The following TMEM94 variants were observed in gnomAD, a reference collection of about 807,000 sequenced individuals.
The protein encoded by TMEM94 is transmembrane protein 94.
A neutral mutation model predicts 158.6 loss-of-function variants in TMEM94; 81 were observed. That is an observed-to-expected ratio of 0.51 (90% confidence interval 0.43 to 0.61). The LOEUF is 0.61. TMEM94 is among the 20% of genes least tolerant of loss of function. The pLI is 0.00. For missense variants in TMEM94, 1,435 were observed against 1,762.0 expected (o/e 0.81, Z 3.32); for synonymous variants, 751 against 730.7 (o/e 1.03, Z -0.45).
At chr17:75,482,011 A>G (rs1029132142) in intron 2 of TMEM94, among the ~76,000 whole-genome samples, 4 of 152,078 alleles carry the variant, frequency 2.6e-5, no homozygotes, top group African/African-American at 9.7e-5. Flanking sequence ...GGAGTTTAAG[A>G]CCAGCCTGGG....
intron 2 of TMEM94, among the ~76,000 whole-genome samples, chr17:75,478,001 A>ATTT (rs1567922620): frequency 2.1e-5 from 2 of 95,868 alleles, no homozygotes; most frequent in African/African-American, 5.8e-5. Flanking sequence ...GCGAGACTCC[A>ATTT]TCTTTTTTTT....
At chr17:75,462,014 T>TG (rs2050095620) in intron 1 of TMEM94, among the ~76,000 whole-genome samples, 1 of 124,370 alleles carries the variant, frequency 8.0e-6, no homozygotes, top group Non-Finnish European at 1.8e-5. Context: ...TTGTTTTGTT[T>TG]TTTTTTTTTT....
At chr17:75,463,176 G>GTATATATATATATATATA (rs1377936337) in intron 1 of TMEM94, among the ~76,000 whole-genome samples, 4 of 9,044 alleles carry the variant, frequency 4.4e-4, no homozygotes, top group African/African-American at 2.1e-3. Context: ...GTGTGTGTGT[G>GTATATATATATATATATA]TGTATATATA....
rs1245787471 is a variant in TMEM94 at position 75,491,840 on chromosome 17, A to G, written c.1536A>G (p.Pro512=). The G allele has an allele frequency of 2.5e-6, 4 of 1,613,836 alleles. No individual in the cohort carries two copies. In the African/African-American group the frequency reaches 5.3e-5, roughly 22 times the overall value. ...HHKAHGRSKH[P]SGSNVSFSRD... ...AAGCGCATGGCCGCAGCAAACACCC[A>G]TCTGGCTCCAACGTGAGCTTCAGCA... The change falls in exon 14 of 32, where the codon CCA becomes CCG. Residue 512 remains proline (P), a synonymous_variant. Coordinates refer to ENST00000314256, the MANE Select transcript of TMEM94 (RefSeq NM_014738.6). This position sits in a 1 kb window ranked among gnomAD's most constrained non-coding sequence, Gnocchi z 5.1.
At position 75,486,191 on chromosome 17, in the gene TMEM94, C is replaced by T. The variant is rs943045807; in HGVS notation, c.273-99C>T. The T allele has an allele frequency of 3.4e-5, 53 of 1,548,810 alleles. 2 individuals are homozygous for T. In the South Asian group the frequency reaches 5.9e-4, roughly 17 times the overall value. Reference sequence around the variant, plus strand: ...GGGCACCAGAACGGGACAGTCTTTCCACAAGGGACTGGGGTGGGAAGGGGA... The same window carrying T: ...GGGCACCAGAACGGGACAGTCTTTCTACAAGGGACTGGGGTGGGAAGGGGA... On this transcript the variant is annotated intron_variant, in intron 4 of 31. Transcript: ENST00000314256.
At chr17:75,465,472 C>T (rs2050267975) in intron 1 of TMEM94, among the ~76,000 whole-genome samples, 2 of 150,978 alleles carry the variant, frequency 1.3e-5, no homozygotes, top group African/African-American at 4.9e-5. Flanking sequence ...ACTTTGTTGC[C>T]CAGGCTGGAG....
chr17:75,492,919 C>G lies in TMEM94; in HGVS notation c.1913-10C>G. The G allele has an allele frequency of 6.2e-7, 1 of 1,607,908 alleles. No individual in the cohort carries two copies. Among genetic ancestry groups the G allele is most frequent in the Non-Finnish European group, 8.5e-7 (1 of 1,176,172 alleles). Reference sequence around the variant, plus strand: ...GGCATGGCCCTAAGTTCCTGTTCCCCGCCCTGCAGGCTTCACTCCTGGGGC... The same window carrying G: ...GGCATGGCCCTAAGTTCCTGTTCCCGGCCCTGCAGGCTTCACTCCTGGGGC... On this transcript the variant is annotated splice_polypyrimidine_tract_variant and intron_variant, in intron 15 of 31. Transcript: ENST00000314256. The surrounding 1 kb of genome is among the most constrained non-coding windows in gnomAD (Gnocchi z 4.4).
In TMEM94 at chr17:75,489,603, C is replaced by A; in HGVS notation, c.895C>A (p.Arg299Ser). Residue 299 changes from arginine (R) to serine (S), a missense_variant, in exon 9 of 32, where the codon CGC (arginine) becomes AGC (serine). Around this residue, in one of 3 missense-constraint regions of TMEM94, gnomAD observed 1,051 missense variants for 1,254.4 expected, o/e 0.84. Coordinates refer to ENST00000314256, the MANE Select transcript of TMEM94 (RefSeq NM_014738.6). This position sits in a 1 kb window ranked among gnomAD's most constrained non-coding sequence, Gnocchi z 5.0. ...LAGFLITNAL[R>S]FIFSAPGVTS... ...CGGCTTCCTCATCACCAATGCCCTG[C>A]GCTTCATCTTCAGTGCCCCGGGGGT... The A allele has an allele frequency of 6.2e-7, 1 of 1,614,066 alleles. No individual in the cohort carries two copies. The highest frequency in any genetic ancestry group is 8.5e-7 in the Non-Finnish European group (1 of 1,180,004).
At position 75,485,380 on chromosome 17, in the gene TMEM94, A is replaced by G. The variant is rs2051503678; in HGVS notation, c.25-48A>G. The G allele has an allele frequency of 1.3e-6, 2 of 1,590,874 alleles. No individual in the cohort carries two copies. Among genetic ancestry groups the G allele is most frequent in the Non-Finnish European group, 1.7e-6 (2 of 1,163,744 alleles). ...GAGGGTTGGGGCCCGCGTGCCTTGCATAGCCTTGGCCTGGCAGTGACGCCC... is the reference window on the plus strand; with the variant it reads ...GAGGGTTGGGGCCCGCGTGCCTTGCGTAGCCTTGGCCTGGCAGTGACGCCC... On this transcript the variant is annotated intron_variant, in intron 2 of 31. Transcript: ENST00000314256. This position sits in a 1 kb window ranked among gnomAD's most constrained non-coding sequence, Gnocchi z 5.5.
chr17:75,491,027 C>A lies in TMEM94; in HGVS notation c.1129-22C>A. On this transcript the variant is annotated intron_variant, in intron 11 of 31. Coordinates refer to ENST00000314256, the MANE Select transcript of TMEM94 (RefSeq NM_014738.6). This position sits in a 1 kb window ranked among gnomAD's most constrained non-coding sequence, Gnocchi z 5.1. ...TGAGGCTGAGCCCTAAATGGCCTTGCAGACTTCCTCTCTCCCACCAGGAAA... is the reference window on the plus strand; with the variant it reads ...TGAGGCTGAGCCCTAAATGGCCTTGAAGACTTCCTCTCTCCCACCAGGAAA... 1 of 1,575,202 alleles carries A rather than the reference C, an allele frequency of 6.3e-7. No individual in the cohort carries two copies. Among genetic ancestry groups the A allele is most frequent in the Non-Finnish European group, 8.7e-7 (1 of 1,153,500 alleles).
chr17:75,471,395 C>A (rs531211896), intron 1 of TMEM94, among the ~76,000 whole-genome samples: 2 of 152,056 alleles, frequency 1.3e-5, no homozygotes, highest in African/African-American at 4.8e-5. Flanking sequence ...CTCTGCTGCT[C>A]GATGAGGCTG....
At chr17:75,480,179 A>G (rs1244836777) in intron 2 of TMEM94, among the ~76,000 whole-genome samples, 1 of 152,146 alleles carries the variant, frequency 6.6e-6, no homozygotes, top group Non-Finnish European at 1.5e-5. Context: ...GAAGAGGTGA[A>G]TGCCTGGGCA....
chr17:75,495,289 C>T lies in TMEM94; in HGVS notation c.2734C>T (p.Arg912Ter), dbSNP rs557746506. Residue 912 changes from arginine to a stop codon, truncating the protein, a stop_gained, in exon 21 of 32, where the codon CGA becomes TGA. Transcript: ENST00000314256. LOFTEE classifies it high-confidence loss of function. This position sits in a 1 kb window ranked among gnomAD's most constrained non-coding sequence, Gnocchi z 5.6. ...SLHDDLNQVS[R>*]DDAEGLLLME... Reference sequence around the variant, plus strand: ...AGAGGCTTTTGTCCCCACAGTGTCCCGAGATGATGCAGAAGGGCTCCTCCT... The same window carrying T: ...AGAGGCTTTTGTCCCCACAGTGTCCTGAGATGATGCAGAAGGGCTCCTCCT... 8.1e-6 allele frequency: 13 copies of T among 1,607,234 alleles called. No homozygotes were observed. The highest frequency in any genetic ancestry group is 4.5e-5 in the East Asian group (2 of 44,772).
chr17:75,481,397 G>T (rs150120690), intron 2 of TMEM94, among the ~76,000 whole-genome samples: 1 of 152,384 alleles, frequency 6.6e-6, no homozygotes, highest in African/African-American at 2.4e-5. Flanking sequence ...GCGGGATTAG[G>T]TGAGATTTAG....
intron 1 of TMEM94, among the ~76,000 whole-genome samples, chr17:75,463,999 T>A (rs2050199773): frequency 6.6e-6 from 1 of 152,210 alleles, no homozygotes; most frequent in African/African-American, 2.4e-5. Flanking sequence ...GTGTTGGGCA[T>A]GGCTGGCTTA....
At chr17:75,462,011 G>GTTTTTTTTTTTTTTTTTT (rs1156728166) in intron 1 of TMEM94, among the ~76,000 whole-genome samples, 2 of 92,884 alleles carry the variant, frequency 2.2e-5, no homozygotes, top group African/African-American at 1.0e-4. Context: ...GTTTTGTTTT[G>GTTTTTTTTTTTTTTTTTT]TTTTTTTTTT....
chr17:75,460,431 A>G (rs759868005), intron 1 of TMEM94, among the ~76,000 whole-genome samples: 5 of 152,132 alleles, frequency 3.3e-5, no homozygotes, highest in Non-Finnish European at 7.3e-5. Context: ...GTAAACCTTC[A>G]TTATGTTGAC....
rs376405505 is a variant in TMEM94, at chr17:75,492,467, C to A, written c.1597-7C>A. 35 of 1,565,820 alleles carry A rather than the reference C, an allele frequency of 2.2e-5. No individual in the cohort carries two copies. The highest frequency in any genetic ancestry group is 2.8e-5 in the Non-Finnish European group (32 of 1,152,280). ...CGGGCTGAGGCTCTCCTCCACATTT[C>A]CCCCAGACCCAGCCTGGGATGGAGA... On this transcript the variant is annotated splice_region_variant and splice_polypyrimidine_tract_variant and intron_variant, in intron 14 of 31. Transcript: ENST00000314256. This position sits in a 1 kb window ranked among gnomAD's most constrained non-coding sequence, Gnocchi z 4.4.
chr17:75,496,521 T>G (rs767144378), intron 24 of TMEM94, 50 bp downstream of exon 24: 7 of 1,582,666 alleles, frequency 4.4e-6, no homozygotes, highest in Non-Finnish European at 6.0e-6. Flanking sequence ...AGGACCCGCC[T>G]GGGGTGGGAG....
Sources: gnomAD v4.1 joint callset for allele counts (sites outside exome capture counted in the v4.1 genomes callset) on GRCh38, gnomAD v4.1.1 for gene constraint, gnomAD v4.1.1 regional missense constraint, Gnocchi (gnomAD v3.1) non-coding constraint, MANE v1.5 for transcripts, NCBI Gene and HGNC (gene_info 2026-07-23, HGNC 2026-07-21) for gene names.